The following PSENEN variants were observed in gnomAD, a reference collection of about 807,000 sequenced individuals.
PSENEN encodes presenilin enhancer, gamma-secretase subunit.
Under a neutral mutation model 15.4 loss-of-function variants are expected in PSENEN, and 4 were observed. The observed-to-expected ratio is 0.26, with a 90% CI of 0.13 to 0.59. PSENEN has a LOEUF of 0.59. Ranked by LOEUF, PSENEN falls within the 20% of genes least tolerant of loss-of-function variation. The probability of loss-of-function intolerance (pLI) is 0.89; values close to 1 mark genes in which losing one functional copy is unlikely to be tolerated. For synonymous variants in PSENEN, 42 were observed against 46.5 expected, an observed-to-expected ratio of 0.90 and a Z score of 0.39; for missense variants, 112 against 120.3, an observed-to-expected ratio of 0.93 and a Z score of 0.32.
rs1256573314 is a variant in PSENEN at position 35,746,486 on chromosome 19, T to C, written c.129T>C (p.Leu43=). Residue 43 remains leucine, a synonymous_variant, in exon 3 of 4, where the codon CTT becomes CTC. Transcript: ENST00000587708. ...NIFWFFREAF[L]VPAYTEQSQI... ...TCTGGTTCTTCCGAGAGGCCTTCCT[T>C]GTCCCAGCCTACACAGAACAGAGCC... 5 of 1,613,848 alleles carry C rather than the reference T, an allele frequency of 3.1e-6. No homozygotes were observed. In the East Asian group the frequency reaches 6.7e-5, roughly 22 times the overall value.
At chr19:35,745,729 A>G in intron 1 of PSENEN, 29 bp downstream of exon 1, 1 of 661,388 alleles carries the variant, frequency 1.5e-6, no homozygotes, top group African/African-American at 1.8e-5. Flanking sequence ...CGCCCACCCT[A>G]GTAAATATAA....
chr19:35,746,355 G>T, intron 2 of PSENEN, 64 bp from the exon 3 acceptor site: 1 of 1,337,140 alleles, frequency 7.5e-7, no homozygotes, highest in South Asian at 1.2e-5. Flanking sequence ...GGTGGGAGTT[G>T]GAGAAGATCT....
At position 35,745,938 on chromosome 19, in the gene PSENEN, T is replaced by A. The variant is rs1298194578; in HGVS notation, c.8T>A (p.Leu3Gln). Residue 3 changes from leucine to glutamine, a missense_variant, in exon 2 of 4, where the codon CTG (leucine) becomes CAG (glutamine). Leu to Gln is a moderately radical substitution (Grantham distance 113). Coordinates refer to ENST00000587708, the MANE Select transcript of PSENEN (RefSeq NM_172341.4). The stretch of plus-strand genomic sequence containing the variant: ...CCCGGCCCCAGCGCAGCTATGAACC[T>A]GGAGCGAGTGTCCAATGAGGAGAAA... MN[L>Q]ERVSNEEKLN... The A allele has an allele frequency of 6.2e-7, 1 of 1,614,148 alleles. No homozygotes were observed.
chr19:35,746,792 G>C lies in PSENEN; in HGVS notation c.251G>C (p.Arg84Pro). 1 of 1,614,008 alleles carries C rather than the reference G, an allele frequency of 6.2e-7. No homozygotes were observed. The highest frequency in any genetic ancestry group is 8.5e-7 in the Non-Finnish European group (1 of 1,179,984). ...WITIFQIYRPRWGALGDYLSF... is the reference protein window; with the variant it reads ...WITIFQIYRPPWGALGDYLSF... ...ACCATCTTCCAGATCTACCGGCCCC[G>C]CTGGGGTGCCCTTGGGGACTACCTC... The change falls in exon 4 of 4, where the codon CGC becomes CCC. Residue 84 changes from arginine (R) to proline (P), a missense_variant. Arg to Pro is a moderately radical substitution (Grantham distance 103). Transcript: ENST00000587708.
intron 2 of PSENEN, 125 bp downstream of exon 2, chr19:35,746,116 G>A: frequency 1.0e-6 from 1 of 988,340 alleles, no homozygotes; most frequent in South Asian, 1.4e-5. Flanking sequence ...GCCGACTCCT[G>A]GATTTGAGTG....
In PSENEN at chr19:35,746,772, C is replaced by G. The variant is rs779075969; in HGVS notation, c.231C>G (p.Ile77Met). 1.9e-6 allele frequency: 3 copies of G among 1,614,024 alleles called. No individual in the cohort carries two copies. The African/African-American group carries it at 4.0e-5, about 22-fold the overall frequency. ...TAGTGCTCACCTCCTGGATCACCATCTTCCAGATCTACCGGCCCCGCTGGG... is the reference window on the plus strand; with the variant it reads ...TAGTGCTCACCTCCTGGATCACCATGTTCCAGATCTACCGGCCCCGCTGGG... ...WVIVLTSWIT[I>M]FQIYRPRWGA... The change falls in exon 4 of 4, where the codon ATC becomes ATG. Residue 77 changes from isoleucine (I) to methionine (M), a missense_variant. Ile to Met is a conservative substitution (Grantham distance 10). Coordinates refer to ENST00000587708, the MANE Select transcript of PSENEN (RefSeq NM_172341.4).
In PSENEN at chr19:35,747,009, G is replaced by C; in HGVS notation, c.*162G>C. On this transcript the variant is annotated 3_prime_UTR_variant, in exon 4 of 4. Transcript: ENST00000587708. ...ATAAAGGACCCTAACTTTCGATACTGACTTCCTGGGATCTTTTAGAGGTTG... is the reference window on the plus strand; with the variant it reads ...ATAAAGGACCCTAACTTTCGATACTCACTTCCTGGGATCTTTTAGAGGTTG... 1 of 642,698 alleles carries C rather than the reference G, an allele frequency of 1.6e-6. No individual in the cohort carries two copies. The allele number at this position is 642,698 out of a possible 1,614,324, so 39.8% of individuals were successfully genotyped here.
chr19:35,745,659 AAGT>A lies in PSENEN; in HGVS notation c.-135_-133del. 1 of 616,438 alleles carries A rather than the reference AAGT, an allele frequency of 1.6e-6. No individual in the cohort carries two copies. Among genetic ancestry groups the A allele is most frequent in the South Asian group, 2.0e-5 (1 of 51,032 alleles). The allele number at this position is 616,438 out of a possible 1,614,324, so 38.2% of individuals were successfully genotyped here. ...GTCTCGCGCAAACGTCCATAACTGAAAGTAGCTAAGGCACCCCAGCCGGAGGAA... is the reference window on the plus strand; with the variant it reads ...GTCTCGCGCAAACGTCCATAACTGAAAGCTAAGGCACCCCAGCCGGAGGAA... On this transcript the variant is annotated 5_prime_UTR_variant, in exon 1 of 4. Transcript: ENST00000587708.
chr19:35,747,007 C>T lies in PSENEN; in HGVS notation c.*160C>T. On this transcript the variant is annotated 3_prime_UTR_variant, in exon 4 of 4. Transcript: ENST00000587708. ...CAATAAAGGACCCTAACTTTCGATA[C>T]TGACTTCCTGGGATCTTTTAGAGGT... 2 of 661,772 alleles carry T rather than the reference C, an allele frequency of 3.0e-6. No homozygotes were observed. The highest frequency in any genetic ancestry group is 5.0e-6 in the Non-Finnish European group (2 of 401,450). The allele number at this position is 661,772 out of a possible 1,614,324, so 41.0% of individuals were successfully genotyped here. A position where few individuals can be genotyped will look rare whatever the true frequency, so the allele number is the denominator to read the frequency against.
Position 35,746,708 on chromosome 19 carries a change from A to T in PSENEN, c.167A>T (p.Tyr56Phe). 6.2e-6 allele frequency: 10 copies of T among 1,614,108 alleles called. No homozygotes were observed. The highest frequency in any genetic ancestry group is 8.5e-6 in the Non-Finnish European group (10 of 1,180,022). The change falls in exon 4 of 4, where the codon TAT becomes TTT. Residue 56 changes from tyrosine to phenylalanine, a missense_variant and splice_region_variant. Tyr to Phe is a conservative substitution (Grantham distance 22, BLOSUM62 3). Coordinates refer to ENST00000587708, the MANE Select transcript of PSENEN (RefSeq NM_172341.4). Reference protein sequence around the residue: ...AYTEQSQIKGYVWRSAVGFLF... With the variant: ...AYTEQSQIKGFVWRSAVGFLF... ...TTCCAGCTTCTGTTTCCCATGACAG[A>T]TGTCTGGCGCTCAGCTGTGGGCTTC...
chr19:35,745,902 C>A lies in PSENEN; in HGVS notation c.-29C>A, dbSNP rs201094657. 2 of 1,613,232 alleles carry A rather than the reference C, an allele frequency of 1.2e-6. No homozygotes were observed. The highest frequency in any genetic ancestry group is 1.7e-5 in the Admixed American group (1 of 60,002). ...AAGGCTTGGGTCTTGCCCCGCAGAC[C>A]CTTGGGACGACCCGGCCCCAGCGCA... On this transcript the variant is annotated 5_prime_UTR_variant, in exon 2 of 4. Transcript: ENST00000587708.
Position 35,745,991 on chromosome 19 carries a change from G to A in PSENEN, c.61G>A (p.Gly21Arg). Residue 21 changes from glycine to arginine, a missense_variant and splice_region_variant, in exon 2 of 4, where the codon GGG becomes AGG. Coordinates refer to ENST00000587708, the MANE Select transcript of PSENEN (RefSeq NM_172341.4). The part of the protein sequence containing the change: ...KLNLCRKYYL[G>R]GFAFLPFLWL... ...GAACCTGTGCCGGAAGTACTACCTGGGTAAGGCAGATCGCTAGGGTCCCAG... is the reference window on the plus strand; with the variant it reads ...GAACCTGTGCCGGAAGTACTACCTGAGTAAGGCAGATCGCTAGGGTCCCAG... 1 of 1,614,040 alleles carries A rather than the reference G, an allele frequency of 6.2e-7. No homozygotes were observed. Among genetic ancestry groups the A allele is most frequent in the Admixed American group, 1.7e-5 (1 of 60,014 alleles).
chr19:35,745,857 T>G lies in PSENEN; in HGVS notation c.-74T>G. On this transcript the variant is annotated 5_prime_UTR_variant, in exon 2 of 4. Transcript: ENST00000587708. ...TAGGGGCGTGGTTGTTCGTGATCCT[T>G]GCATCTGTTACTTAGGGTCAAGGCT... 1 of 1,427,518 alleles carries G rather than the reference T, an allele frequency of 7.0e-7. No individual in the cohort carries two copies. Among genetic ancestry groups the G allele is most frequent in the South Asian group, 1.1e-5 (1 of 87,292 alleles). The allele number at this position is 1,427,518 out of a possible 1,614,324, so 88.4% of individuals were successfully genotyped here. A position where few individuals can be genotyped will look rare whatever the true frequency, so the allele number is the denominator to read the frequency against.
In PSENEN at chr19:35,746,542, G is replaced by T; in HGVS notation, c.166+19G>T. 2.5e-6 allele frequency: 4 copies of T among 1,608,716 alleles called. No individual in the cohort carries two copies. Among genetic ancestry groups the T allele is most frequent in the Non-Finnish European group, 3.4e-6 (4 of 1,175,588 alleles). On this transcript the variant is annotated intron_variant, in intron 3 of 3. Coordinates refer to ENST00000587708, the MANE Select transcript of PSENEN (RefSeq NM_172341.4). Reference sequence around the variant, plus strand: ...AAAGGCTGTGAGTCTAGAGCACAGAGGAGGGAGGCCAGTGGCAGGGGAGAG... The same window carrying T: ...AAAGGCTGTGAGTCTAGAGCACAGATGAGGGAGGCCAGTGGCAGGGGAGAG...
At chr19:35,746,685 C>A (rs1970583665) in intron 3 of PSENEN, 23 bp from the exon 4 acceptor site, 2 of 1,614,040 alleles carry the variant, frequency 1.2e-6, no homozygotes, top group Non-Finnish European at 1.7e-6. Flanking sequence ...GCCAACCCTT[C>A]CAGCTTCTGT....
At position 35,747,141 on chromosome 19, in the gene PSENEN, T is replaced by C. The variant is rs1296111031; in HGVS notation, c.*294T>C. ...TTTACAGTGCATACTACTCATAATC[T>C]TCTGAACTAGGAACTTTCCTGCTCA... On this transcript the variant is annotated 3_prime_UTR_variant, in exon 4 of 4. Coordinates refer to ENST00000587708, the MANE Select transcript of PSENEN (RefSeq NM_172341.4). 3 of 257,002 alleles carry C rather than the reference T, an allele frequency of 1.2e-5. No homozygotes were observed. Among genetic ancestry groups the C allele is most frequent in the African/African-American group, 2.2e-5 (1 of 45,020 alleles). The allele number at this position is 257,002 out of a possible 1,614,324, so 15.9% of individuals were successfully genotyped here.
At chr19:35,746,046 C>A in intron 2 of PSENEN, 55 bp downstream of exon 2, 2 of 1,576,212 alleles carry the variant, frequency 1.3e-6, no homozygotes, top group South Asian at 1.1e-5. Flanking sequence ...CTAGAGCACC[C>A]GAGGGAAGAG....
chr19:35,746,775 C>T lies in PSENEN; in HGVS notation c.234C>T (p.Phe78=), dbSNP rs1268731861. The T allele has an allele frequency of 1.2e-5, 20 of 1,614,152 alleles. No individual in the cohort carries two copies. The East Asian group carries it at 3.8e-4, about 31-fold the overall frequency. Reference sequence around the variant, plus strand: ...TGCTCACCTCCTGGATCACCATCTTCCAGATCTACCGGCCCCGCTGGGGTG... The same window carrying T: ...TGCTCACCTCCTGGATCACCATCTTTCAGATCTACCGGCCCCGCTGGGGTG... ...VIVLTSWITI[F]QIYRPRWGAL... The change falls in exon 4 of 4, where the codon TTC becomes TTT. Residue 78 remains phenylalanine (F), a synonymous_variant. Coordinates refer to ENST00000587708, the MANE Select transcript of PSENEN (RefSeq NM_172341.4).
chr19:35,746,017 G>A, intron 2 of PSENEN, 26 bp downstream of exon 2: 3 of 1,611,928 alleles, frequency 1.9e-6, no homozygotes, highest in South Asian at 1.1e-5. Context: ...AGGGTCCCAG[G>A]AGAAGAGAGG....
Sources: gnomAD v4.1 joint callset for allele counts on GRCh38, gnomAD v4.1.1 for gene constraint, MANE v1.5 for transcripts, NCBI Gene and HGNC (gene_info 2026-07-23, HGNC 2026-07-21) for gene names.